The following ITGBL1 variants were observed in gnomAD, a reference collection of about 807,000 sequenced individuals.
ITGBL1 encodes integrin subunit beta like 1, also known as integrin beta-like protein 1.
In ITGBL1, 51 loss-of-function variants were observed where a neutral mutation model predicts 68.5. The ratio of observed to expected loss-of-function variants is 0.74; its 90% CI spans 0.59 to 0.94. The LOEUF (loss-of-function observed/expected upper bound fraction) is 0.94, where lower values mean the gene tolerates loss of function less well. ITGBL1 is among the 40% of genes least tolerant of loss of function. The probability of loss-of-function intolerance (pLI) is 0.00; values close to 1 mark genes in which losing one functional copy is unlikely to be tolerated. For synonymous variants in ITGBL1, 209 were observed against 227.3 expected (o/e 0.92, Z 0.72); for missense variants, 649 against 647.4 (o/e 1.00, Z -0.03).
intron 7 of ITGBL1, among the ~76,000 whole-genome samples, chr13:101,619,791 G>A (rs1407899474): frequency 5.3e-5 from 8 of 152,102 alleles, no homozygotes; most frequent in African/African-American, 1.9e-4. Flanking sequence ...AAAGAATTAT[G>A]TATAAAAGAT....
At chr13:101,484,690 G>A (rs1042674408) in intron 2 of ITGBL1, among the ~76,000 whole-genome samples, 3 of 151,932 alleles carry the variant, frequency 2.0e-5, no homozygotes, top group Non-Finnish European at 2.9e-5. Context: ...TCATCTCCTA[G>A]GACTATTCAG....
intron 3 of ITGBL1, 141 bp downstream of exon 3, chr13:101,567,986 A>G (rs2050209151): frequency 1.5e-6 from 1 of 678,130 alleles, no homozygotes; most frequent in Non-Finnish European, 2.4e-6. Context: ...ATTCAGATAA[A>G]TCAATAGAAA....
intron 2 of ITGBL1, among the ~76,000 whole-genome samples, chr13:101,549,022 G>T (rs2049875911): frequency 6.6e-6 from 1 of 151,722 alleles, no homozygotes; most frequent in African/African-American, 2.4e-5. Flanking sequence ...TAAAAGTCTG[G>T]CAGTCACACA....
chr13:101,474,290 C>G (rs1178292040), intron 2 of ITGBL1, among the ~76,000 whole-genome samples: 1 of 152,004 alleles, frequency 6.6e-6, no homozygotes, highest in African/African-American at 2.4e-5. Flanking sequence ...ACATTGGTAC[C>G]AAGCCTGGGG....
chr13:101,642,237 T>A (rs1273783603), intron 7 of ITGBL1, among the ~76,000 whole-genome samples: 2 of 152,248 alleles, frequency 1.3e-5, no homozygotes, highest in African/African-American at 4.8e-5. Flanking sequence ...GTTTCCTGAC[T>A]TTTTAATGAT....
intron 7 of ITGBL1, among the ~76,000 whole-genome samples, chr13:101,664,134 T>G (rs2033154589): frequency 6.6e-6 from 1 of 152,170 alleles, no homozygotes; most frequent in Non-Finnish European, 1.5e-5. Flanking sequence ...ATTTGTGAAA[T>G]ACAAAGGCTC....
chr13:101,603,375 G>T (rs532769760), intron 7 of ITGBL1, among the ~76,000 whole-genome samples: 6 of 152,070 alleles, frequency 3.9e-5, no homozygotes, highest in African/African-American at 1.4e-4. Flanking sequence ...GAGTGGAGGA[G>T]TAGGATATGG....
At chr13:101,678,530 C>A (rs915916206) in intron 7 of ITGBL1, among the ~76,000 whole-genome samples, 1 of 145,720 alleles carries the variant, frequency 6.9e-6, no homozygotes, top group African/African-American at 2.5e-5. Context: ...GATGGAGTCT[C>A]ATTCTGTCAC....
chr13:101,598,473 T>C (rs2030131383), intron 7 of ITGBL1, among the ~76,000 whole-genome samples, 174 bp downstream of exon 7: 1 of 152,136 alleles, frequency 6.6e-6, no homozygotes, highest in Admixed American at 6.5e-5. Flanking sequence ...TTAGTGTACA[T>C]GTGCGCAATG....
At chr13:101,529,792 T>C (rs2049441489) in intron 2 of ITGBL1, among the ~76,000 whole-genome samples, 1 of 152,174 alleles carries the variant, frequency 6.6e-6, no homozygotes, top group Non-Finnish European at 1.5e-5. Flanking sequence ...CTTCCCCTTC[T>C]GCCATGATTT....
intron 7 of ITGBL1, among the ~76,000 whole-genome samples, chr13:101,681,792 C>CTG (rs1309622227): frequency 1.3e-5 from 2 of 150,758 alleles, no homozygotes; most frequent in African/African-American, 4.9e-5. Context: ...TGGTGTGTGT[C>CTG]TGTGTGTGTG....
At chr13:101,611,279 G>T (rs1314463643) in intron 7 of ITGBL1, among the ~76,000 whole-genome samples, 1 of 152,136 alleles carries the variant, frequency 6.6e-6, no homozygotes, top group Non-Finnish European at 1.5e-5. Flanking sequence ...TTGCTAAAAT[G>T]CCAAGTTTTA....
intron 2 of ITGBL1, among the ~76,000 whole-genome samples, chr13:101,468,752 C>T (rs1263980146): frequency 6.6e-6 from 1 of 152,140 alleles, no homozygotes; most frequent in Non-Finnish European, 1.5e-5. Context: ...GGCAAAAGAA[C>T]CCGTTATGCA....
intron 2 of ITGBL1, among the ~76,000 whole-genome samples, chr13:101,538,610 C>T (rs2049622124): frequency 6.6e-6 from 1 of 151,908 alleles, no homozygotes; most frequent in African/African-American, 2.4e-5. Context: ...GAAAAAAAAT[C>T]AGCACCTGAA....
chr13:101,591,658 G>A (rs1424395646), intron 6 of ITGBL1, among the ~76,000 whole-genome samples: 2 of 152,086 alleles, frequency 1.3e-5, no homozygotes, highest in African/African-American at 4.8e-5. Flanking sequence ...TAGTAAAATG[G>A]TCTAGTCTTT....
downstream of ITGBL1, chr13:101,719,657 C>T (rs1376062915): frequency 6.6e-6 from 1 of 152,048 alleles, no homozygotes; most frequent in Admixed American, 6.6e-5. Context: ...CAATCAGCTA[C>T]TATAACAAAT....
At chr13:101,500,382 A>T (rs1019729121) in intron 2 of ITGBL1, among the ~76,000 whole-genome samples, 1 of 152,356 alleles carries the variant, frequency 6.6e-6, no homozygotes, top group East Asian at 1.9e-4. Flanking sequence ...TTGCCAAGTT[A>T]AAAATGTCAT....
chr13:101,519,374 A>G (rs2049247226), intron 2 of ITGBL1, among the ~76,000 whole-genome samples: 1 of 152,162 alleles, frequency 6.6e-6, no homozygotes, highest in Non-Finnish European at 1.5e-5. Flanking sequence ...TGAATTTTTA[A>G]TTTTTAAAAT....
At chr13:101,676,263 C>T (rs189865785) in intron 7 of ITGBL1, among the ~76,000 whole-genome samples, 13 of 151,716 alleles carry the variant, frequency 8.6e-5, no homozygotes, top group African/African-American at 2.4e-4. Context: ...TTATCAAAAT[C>T]GGTAGAATTT....
Sources: allele counts gnomAD v4.1 joint callset (sites outside exome capture counted in the v4.1 genomes callset), GRCh38; gene constraint gnomAD v4.1.1; transcripts MANE v1.5; gene names NCBI Gene and HGNC (gene_info 2026-07-23, HGNC 2026-07-21).